PDE1A: variants seen among roughly 807,000 people sequenced by gnomAD.
The protein encoded by PDE1A is dual specificity calcium/calmodulin-dependent 3',5'-cyclic nucleotide phosphodiesterase 1A.
In PDE1A, 35 loss-of-function variants were observed where a neutral mutation model predicts 61.7. The ratio of observed to expected loss-of-function variants is 0.57; its 90% CI spans 0.43 to 0.75. The LOEUF is 0.75. Among genes scored for constraint, PDE1A ranks in the 30% least tolerant of loss-of-function variants. The pLI is 0.00. For missense variants in PDE1A, 597 were observed against 630.6 expected (o/e 0.95, Z 0.57); for synonymous variants, 232 against 213.2 (o/e 1.09, Z -0.77).
At chr2:182,316,517 C>A (rs897522214) in intron 1 of PDE1A, among the ~76,000 whole-genome samples, 1 of 152,124 alleles carries the variant, frequency 6.6e-6, no homozygotes, top group Non-Finnish European at 1.5e-5. Flanking sequence ...TCACATTCTA[C>A]TAAGCTCATA....
chr2:182,191,984 T>C (rs1161716805), intron 10 of PDE1A, among the ~76,000 whole-genome samples: 1 of 152,038 alleles, frequency 6.6e-6, no homozygotes. Context: ...GCCTCCCAAG[T>C]AGCTGGGATT....
chr2:182,346,331 G>A (rs1300484261), intron 1 of PDE1A, among the ~76,000 whole-genome samples: 1 of 152,000 alleles, frequency 6.6e-6, no homozygotes, highest in African/African-American at 2.4e-5. Context: ...TTCCTTTAAT[G>A]GAACACAAGG....
chr2:182,560,059 G>C, the PDE1A span, among the ~76,000 whole-genome samples: 1 of 139,892 alleles, frequency 7.1e-6, no homozygotes, highest in Non-Finnish European at 1.6e-5. Flanking sequence ...GAAGAGATAG[G>C]GATTCTTTTT....
the PDE1A span, among the ~76,000 whole-genome samples, chr2:182,666,917 C>T: frequency 7.9e-5 from 12 of 152,128 alleles, no homozygotes; most frequent in Non-Finnish European, 1.0e-4. Flanking sequence ...TACACAGTCA[C>T]GGTCTAGGTA....
the PDE1A span, among the ~76,000 whole-genome samples, chr2:182,554,712 A>G: frequency 1.3e-5 from 2 of 152,170 alleles, no homozygotes; most frequent in African/African-American, 4.8e-5. Context: ...CATGTTTTAT[A>G]ATGTTATCAT....
chr2:182,279,271 C>T (rs537118869), intron 1 of PDE1A, among the ~76,000 whole-genome samples: 4 of 151,878 alleles, frequency 2.6e-5, no homozygotes, highest in African/African-American at 9.7e-5. Context: ...CTTAGACGAG[C>T]ACAACCTAAA....
At chr2:182,338,768 C>T (rs1698001282) in intron 1 of PDE1A, among the ~76,000 whole-genome samples, 2 of 152,130 alleles carry the variant, frequency 1.3e-5, no homozygotes, top group Admixed American at 6.6e-5. Context: ...GTGATCTACC[C>T]GCCTCGGCCT....
chr2:182,560,434 G>A, the PDE1A span, among the ~76,000 whole-genome samples: 4 of 151,280 alleles, frequency 2.6e-5, no homozygotes, highest in African/African-American at 9.7e-5. Context: ...TGGTGTATAT[G>A]TGCCACATTT....
the PDE1A span, among the ~76,000 whole-genome samples, chr2:182,710,363 T>C: frequency 1.3e-5 from 2 of 152,228 alleles, no homozygotes; most frequent in South Asian, 2.1e-4. Context: ...CATGTGTGCA[T>C]GGTGAGGACA....
intron 1 of PDE1A, among the ~76,000 whole-genome samples, chr2:182,285,049 T>C (rs1694064373): frequency 6.6e-6 from 1 of 152,090 alleles, no homozygotes; most frequent in African/African-American, 2.4e-5. Flanking sequence ...TATACTCTTG[T>C]ACTTTCTCTT....
At chr2:182,392,943 G>A (rs2125399766) in intron 1 of PDE1A, among the ~76,000 whole-genome samples, 1 of 152,348 alleles carries the variant, frequency 6.6e-6, no homozygotes, top group East Asian at 1.9e-4. Context: ...TGTGTCTGTG[G>A]CTTTTCCAGA....
chr2:182,383,643 C>G (rs930119800), intron 1 of PDE1A, among the ~76,000 whole-genome samples: 1 of 151,986 alleles, frequency 6.6e-6, no homozygotes, highest in Middle Eastern at 3.4e-3. Context: ...TATCCCCCAA[C>G]AAAAACATCA....
chr2:182,304,660 T>C (rs988273010), intron 1 of PDE1A, among the ~76,000 whole-genome samples: 7 of 152,116 alleles, frequency 4.6e-5, no homozygotes, highest in Non-Finnish European at 7.4e-5. Context: ...TCTCAAAGAA[T>C]AGGAAGGCCA....
chr2:182,264,149 T>C (rs1487720321), intron 2 of PDE1A, 152 bp downstream of exon 2: 1 of 542,512 alleles, frequency 1.8e-6, no homozygotes, highest in African/African-American at 1.9e-5. Flanking sequence ...ATTAGCTACA[T>C]GAAGAAGAAC....
chr2:182,244,424 C>T (rs1473913151), intron 2 of PDE1A, among the ~76,000 whole-genome samples: 1 of 151,370 alleles, frequency 6.6e-6, no homozygotes. Context: ...TCAGTTATGT[C>T]TCTTTTAAGT....
intron 8 of PDE1A, among the ~76,000 whole-genome samples, chr2:182,203,722 C>A (rs17457323): frequency 6.6e-6 from 1 of 151,718 alleles, no homozygotes; most frequent in African/African-American, 2.4e-5. Context: ...ATAAAATTTT[C>A]TTGTGAAAAC....
intron 2 of PDE1A, among the ~76,000 whole-genome samples, chr2:182,518,570 G>C (rs60122505): frequency 6.6e-6 from 1 of 152,100 alleles, no homozygotes; most frequent in Non-Finnish European, 1.5e-5. Context: ...GGTATGTGTC[G>C]AGACGTGTAA....
At chr2:182,554,386 C>T in the PDE1A span, among the ~76,000 whole-genome samples, 15 of 152,304 alleles carry the variant, frequency 9.8e-5, no homozygotes, top group East Asian at 2.9e-3. Flanking sequence ...CACAGATTCT[C>T]AGGGCTTGAA....
chr2:182,532,328 CACA>C, the PDE1A span, among the ~76,000 whole-genome samples: 1 of 152,162 alleles, frequency 6.6e-6, no homozygotes, highest in Non-Finnish European at 1.5e-5. Flanking sequence ...CTCTATGCAT[CACA>C]ACATCACTAT....
Sources: gnomAD v4.1 joint callset for allele counts (sites outside exome capture counted in the v4.1 genomes callset) on GRCh38, gnomAD v4.1.1 for gene constraint, MANE v1.5 for transcripts, NCBI Gene and HGNC (gene_info 2026-07-23, HGNC 2026-07-21) for gene names.